The following INPP5D variants were observed in gnomAD, a reference collection of about 807,000 sequenced individuals.
INPP5D encodes phosphatidylinositol 3,4,5-trisphosphate 5-phosphatase 1.
A neutral mutation model predicts 122.9 loss-of-function variants in INPP5D; 33 were observed. The ratio of observed to expected loss-of-function variants is 0.27; its 90% CI spans 0.20 to 0.36. The LOEUF (loss-of-function observed/expected upper bound fraction) is 0.36. Among genes scored for constraint, INPP5D ranks in the 10% least tolerant of loss-of-function variants. The pLI is 1.00. For missense variants in INPP5D, 1,053 were observed against 1,412.7 expected (o/e 0.75, Z 4.08); for synonymous variants, 584 against 576.2 (o/e 1.01, Z -0.19).
intron 3 of INPP5D, 147 bp from the exon 4 acceptor site, chr2:233,125,598 C>T: frequency 1.4e-6 from 1 of 715,008 alleles, no homozygotes; most frequent in Non-Finnish European, 2.3e-6. Flanking sequence ...GGAGGCTCTC[C>T]CTCCAGGAGG....
chr2:233,130,616 A>G lies in INPP5D; in HGVS notation c.633A>G (p.Lys211=). The G allele has an allele frequency of 6.2e-7, 1 of 1,613,998 alleles. No individual in the cohort carries two copies. Among genetic ancestry groups the G allele is most frequent in the Non-Finnish European group, 8.5e-7 (1 of 1,179,900 alleles). ...CCAGCAGTCTTCCTCACCTGAAGAA[A>G]CTGACCACACTGCTCTGCAAGGAGC... is the stretch of plus-strand genomic sequence containing the variant. ...TGSSSLPHLK[K]LTTLLCKELY... The change falls in exon 5 of 27, where the codon AAA becomes AAG. Residue 211 remains lysine, a synonymous_variant. Transcript: ENST00000445964.
rs766128298 is a variant in INPP5D, at chr2:233,130,632, T to A, written c.649T>A (p.Cys217Ser). ...CCTGAAGAAACTGACCACACTGCTC[T>A]GCAAGGAGCTCTATGGGTAATGGCT... ...PHLKKLTTLLCKELYGEVIRT... is the reference protein window; with the variant it reads ...PHLKKLTTLLSKELYGEVIRT... Residue 217 changes from cysteine to serine, a missense_variant, in exon 5 of 27, where the codon TGC becomes AGC. Coordinates refer to ENST00000445964, the MANE Select transcript of INPP5D (RefSeq NM_001017915.3). 6.2e-7 allele frequency: 1 copy of A among 1,614,010 alleles called. No homozygotes were observed. The highest frequency in any genetic ancestry group is 1.1e-5 in the South Asian group (1 of 91,080).
At chr2:233,114,780 G>A (rs1186568555) in intron 2 of INPP5D, among the ~76,000 whole-genome samples, 1 of 152,064 alleles carries the variant, frequency 6.6e-6, no homozygotes, top group African/African-American at 2.4e-5. Flanking sequence ...TGTTTTCACC[G>A]TCCTCTCTAG....
At chr2:233,130,712 G>T (rs1168154343) in intron 5 of INPP5D, 64 bp downstream of exon 5, 13 of 1,555,060 alleles carry the variant, frequency 8.4e-6, no homozygotes, top group Non-Finnish European at 1.2e-5. Context: ...AACAGCTCAT[G>T]AGAGCGACCT....
intron 20 of INPP5D, 106 bp from the exon 21 acceptor site, chr2:233,185,737 A>AAT: frequency 1.1e-5 from 10 of 951,156 alleles, no homozygotes; most frequent in East Asian, 3.8e-5. Flanking sequence ...AAAAAAAAAA[A>AAT]GGAGAGAGCA....
Position 233,170,730 on chromosome 2 carries a change from C to G in INPP5D, c.1900+126C>G. ...CATCCTGGCTAACACAGTGAAACCCCGTCTCTACTTAAAAAAATACAAAAA... is the reference window on the plus strand; with the variant it reads ...CATCCTGGCTAACACAGTGAAACCCGGTCTCTACTTAAAAAAATACAAAAA... On this transcript the variant is annotated intron_variant, in intron 16 of 26. Transcript: ENST00000445964. This position sits in a 1 kb window ranked among gnomAD's most constrained non-coding sequence, Gnocchi z 4.5. 1 of 1,315,228 alleles carries G rather than the reference C, an allele frequency of 7.6e-7. No individual in the cohort carries two copies. Among genetic ancestry groups the G allele is most frequent in the Admixed American group, 2.8e-5 (1 of 36,310 alleles). The allele number at this position is 1,315,228 out of a possible 1,614,324, so 81.5% of individuals were successfully genotyped here. A position where few individuals can be genotyped will look rare whatever the true frequency, so the allele number is the denominator to read the frequency against.
intron 18 of INPP5D, among the ~76,000 whole-genome samples, chr2:233,180,216 A>G (rs1694747193): frequency 6.6e-6 from 1 of 152,070 alleles, no homozygotes; most frequent in African/African-American, 2.4e-5. Flanking sequence ...TCATGGTGGG[A>G]GGGGACCACA....
At chr2:233,166,854 C>A (rs111974734) in intron 13 of INPP5D, among the ~76,000 whole-genome samples, 2 of 151,876 alleles carry the variant, frequency 1.3e-5, no homozygotes, top group Non-Finnish European at 2.9e-5. Context: ...TGTGGTGGTG[C>A]GCACCTGTAA....
chr2:233,201,191 G>A (rs191494035), intron 25 of INPP5D, among the ~76,000 whole-genome samples: 277 of 152,212 alleles, frequency 1.8e-3, no homozygotes, highest in Non-Finnish European at 2.6e-3. Flanking sequence ...CTGGAAATAT[G>A]AGGACAAAAG....
chr2:233,069,088 G>C (rs750723325), intron 1 of INPP5D, among the ~76,000 whole-genome samples: 1 of 152,212 alleles, frequency 6.6e-6, no homozygotes, highest in Non-Finnish European at 1.5e-5. Context: ...TGACAGGTGC[G>C]GCAGCACGTG....
chr2:233,185,537 G>C (rs1694889170), intron 20 of INPP5D, among the ~76,000 whole-genome samples: 1 of 151,662 alleles, frequency 6.6e-6, no homozygotes, highest in Non-Finnish European at 1.5e-5. Flanking sequence ...TAATCTTTTT[G>C]CCTGTGATGT....
intron 11 of INPP5D, among the ~76,000 whole-genome samples, chr2:233,163,347 G>C (rs1694244108): frequency 6.6e-6 from 1 of 152,178 alleles, no homozygotes; most frequent in Non-Finnish European, 1.5e-5. Context: ...TCTAAAACTT[G>C]TCAGTTCCCT....
intron 1 of INPP5D, among the ~76,000 whole-genome samples, chr2:233,069,700 G>A (rs1482797413): frequency 6.6e-6 from 1 of 152,066 alleles, no homozygotes; most frequent in East Asian, 1.9e-4. Context: ...GGATGTACAG[G>A]ATTCTATTAC....
At chr2:233,079,449 G>A in intron 2 of INPP5D, 51 bp downstream of exon 2, 2 of 1,135,548 alleles carry the variant, frequency 1.8e-6, no homozygotes, top group Non-Finnish European at 2.7e-6. Flanking sequence ...GCCGATACTG[G>A]CAGAGAAAGG....
rs1409714147 is a variant in INPP5D, at chr2:233,105,888, C to G, written c.199-16219C>G. Among the ~76,000 whole-genome samples the G allele has an allele frequency of 6.6e-6, 1 of 152,042 alleles. No individual in the cohort carries two copies. Among genetic ancestry groups the G allele is most frequent in the Non-Finnish European group, 1.5e-5 (1 of 68,014 alleles). Reference sequence around the variant, plus strand: ...GTCCAAAGAGGCCCGAAGGCCTGCACAGGGGATGAGATGAAGGGACAGTGG... The same window carrying G: ...GTCCAAAGAGGCCCGAAGGCCTGCAGAGGGGATGAGATGAAGGGACAGTGG... On this transcript the variant is annotated intron_variant, in intron 2 of 26. Transcript: ENST00000445964. This position sits in a 1 kb window ranked among gnomAD's most constrained non-coding sequence, Gnocchi z 4.0.
intron 2 of INPP5D, among the ~76,000 whole-genome samples, chr2:233,097,933 C>G (rs1303163286): frequency 6.6e-6 from 1 of 151,560 alleles, no homozygotes; most frequent in Non-Finnish European, 1.5e-5. Context: ...GTCGCCTAGG[C>G]TGGAGTGCAG....
intron 2 of INPP5D, among the ~76,000 whole-genome samples, chr2:233,117,008 C>T (rs1692820209): frequency 6.6e-6 from 1 of 152,182 alleles, no homozygotes; most frequent in Non-Finnish European, 1.5e-5. Flanking sequence ...CGGGCGGAGG[C>T]GTTCACTCCA....
intron 2 of INPP5D, among the ~76,000 whole-genome samples, chr2:233,098,139 T>C (rs571022142): frequency 6.6e-5 from 10 of 152,148 alleles, no homozygotes; most frequent in Non-Finnish European, 1.5e-4. Flanking sequence ...GTGATCCACC[T>C]GCCTCAGCCT....
chr2:233,199,233 A>C, intron 25 of INPP5D, among the ~76,000 whole-genome samples: 1 of 138,122 alleles, frequency 7.2e-6, no homozygotes, highest in South Asian at 2.4e-4. Context: ...ACGAGACTCC[A>C]TAAAAATGCC....
Sources: gnomAD v4.1 joint callset for allele counts (sites outside exome capture counted in the v4.1 genomes callset) on GRCh38, gnomAD v4.1.1 for gene constraint, Gnocchi (gnomAD v3.1) non-coding constraint, MANE v1.5 for transcripts, NCBI Gene and HGNC (gene_info 2026-07-23, HGNC 2026-07-21) for gene names.